The following PLOD2 variants were observed in gnomAD, a reference collection of about 807,000 sequenced individuals.
PLOD2 encodes the protein lysine hydroxylase 2.
A neutral mutation model predicts 101.0 loss-of-function variants in PLOD2; 65 were observed. That is an observed-to-expected ratio of 0.64 (90% CI 0.53 to 0.79). PLOD2 has a LOEUF of 0.79. PLOD2 is among the 30% of genes least tolerant of loss of function. PLOD2 has a pLI of 0.00. For missense variants in PLOD2, 909 were observed against 914.6 expected (o/e 0.99, Z 0.08); for synonymous variants, 314 against 302.9 (o/e 1.04, Z -0.38).
At chr3:146,132,794 A>C (rs907617358) in intron 1 of PLOD2, among the ~76,000 whole-genome samples, 5 of 152,194 alleles carry the variant, frequency 3.3e-5, no homozygotes, top group African/African-American at 9.7e-5. Flanking sequence ...CATTTTTTAA[A>C]ACATACAGAT....
intron 6 of PLOD2, among the ~76,000 whole-genome samples, chr3:146,103,617 TA>T (rs1238831959): frequency 6.6e-6 from 1 of 152,110 alleles, no homozygotes; most frequent in Non-Finnish European, 1.5e-5. Flanking sequence ...CATGCCTGAC[TA>T]GATTTTAAGA....
chr3:146,118,839 C>A (rs1197112930), intron 3 of PLOD2, among the ~76,000 whole-genome samples: 1 of 152,058 alleles, frequency 6.6e-6, no homozygotes, highest in Non-Finnish European at 1.5e-5. Context: ...TTCTGTTTAA[C>A]CAGAATCCAT....
In PLOD2 at chr3:146,141,749, T is replaced by A. The variant is rs1001148983; in HGVS notation, c.110-17520A>T. Among the ~76,000 whole-genome samples the A allele has an allele frequency of 3.9e-5, 6 of 152,094 alleles. No individual in the cohort carries two copies. In the East Asian group the frequency reaches 9.6e-4, roughly 24 times the overall value. On this transcript the variant is annotated intron_variant, in intron 1 of 19. Coordinates refer to ENST00000282903, the MANE Select transcript of PLOD2 (RefSeq NM_182943.3). Reference sequence around the variant, plus strand: ...ACATTTTTGGAAAAATCAATCCCTGTCTTCATGGGTCTTACAATACAGTTG... The same window carrying A: ...ACATTTTTGGAAAAATCAATCCCTGACTTCATGGGTCTTACAATACAGTTG...
chr3:146,130,773 G>A (rs1299052263), intron 1 of PLOD2, among the ~76,000 whole-genome samples: 1 of 152,134 alleles, frequency 6.6e-6, no homozygotes, highest in African/African-American at 2.4e-5. Context: ...GGCCTCCCCT[G>A]GTGACAACAG....
Position 146,081,840 on chromosome 3 carries a change from G to C in PLOD2, c.1256C>G (p.Thr419Ser). The C allele has an allele frequency of 6.2e-7, 1 of 1,612,454 alleles. No individual in the cohort carries two copies. ...ATTGGACCACAGCTTTCCATGACGA[G>C]TTACAAGAGGAGCAATGATCTTTCT... Reference protein sequence around the residue: ...QNRKIIAPLVTRHGKLWSNFW... With the variant: ...QNRKIIAPLVSRHGKLWSNFW... Residue 419 changes from threonine (T) to serine (S), a missense_variant, in exon 12 of 20, where the codon ACT becomes AGT. Coordinates refer to ENST00000282903, the MANE Select transcript of PLOD2 (RefSeq NM_182943.3).
chr3:146,158,389 A>C (rs2032404327), intron 1 of PLOD2, among the ~76,000 whole-genome samples: 1 of 152,218 alleles, frequency 6.6e-6, no homozygotes, highest in African/African-American at 2.4e-5. Context: ...CAGCACACAG[A>C]ACTCTCAAAA....
chr3:146,146,314 C>A, intron 1 of PLOD2, among the ~76,000 whole-genome samples: 1 of 152,100 alleles, frequency 6.6e-6, no homozygotes, highest in Non-Finnish European at 1.5e-5. Flanking sequence ...TCTCCAAGTT[C>A]TTTGGAGCTA....
At chr3:146,152,179 G>C (rs1286189272) in intron 1 of PLOD2, among the ~76,000 whole-genome samples, 1 of 152,174 alleles carries the variant, frequency 6.6e-6, no homozygotes, top group Non-Finnish European at 1.5e-5. Flanking sequence ...AGCACTTTGG[G>C]AGGCTGAGGC....
At chr3:146,107,776 T>C (rs962687316) in intron 4 of PLOD2, among the ~76,000 whole-genome samples, 1 of 151,770 alleles carries the variant, frequency 6.6e-6, no homozygotes, top group African/African-American at 2.4e-5. Flanking sequence ...CTCAAGTAGT[T>C]GGGATTACAG....
At chr3:146,152,766 T>C (rs560491999) in intron 1 of PLOD2, among the ~76,000 whole-genome samples, 1 of 152,304 alleles carries the variant, frequency 6.6e-6, no homozygotes, top group South Asian at 2.1e-4. Context: ...TTATTTTCCC[T>C]GCAAGAATCT....
chr3:146,081,725 C>T lies in PLOD2; in HGVS notation c.1358+13G>A. The T allele has an allele frequency of 1.3e-6, 2 of 1,596,744 alleles. No homozygotes were observed. The highest frequency in any genetic ancestry group is 1.7e-6 in the Non-Finnish European group (2 of 1,165,132). ...TGGTATTTCACATTAAAATATTAAA[C>T]CAAGTAACTTACACTCTATTCCCTT... On this transcript the variant is annotated intron_variant, in intron 12 of 19. Coordinates refer to ENST00000282903, the MANE Select transcript of PLOD2 (RefSeq NM_182943.3).
chr3:146,101,401 T>C (rs1937384795), intron 7 of PLOD2, among the ~76,000 whole-genome samples: 1 of 152,086 alleles, frequency 6.6e-6, no homozygotes, highest in Admixed American at 6.6e-5. Flanking sequence ...CCATAGAGAT[T>C]GAAGAGGAAA....
intron 15 of PLOD2, 186 bp downstream of exon 15, chr3:146,076,596 T>C (rs1342168761): frequency 3.1e-5 from 14 of 448,244 alleles, no homozygotes; most frequent in Admixed American, 4.1e-5. Flanking sequence ...CCCATATCTG[T>C]TGTTTTTGAC....
intron 1 of PLOD2, among the ~76,000 whole-genome samples, chr3:146,144,587 C>A (rs1184233661): frequency 6.6e-6 from 1 of 151,984 alleles, no homozygotes; most frequent in Non-Finnish European, 1.5e-5. Context: ...TTCAATAATA[C>A]CCTTACAATA....
chr3:146,078,074 A>C (rs908171138), intron 13 of PLOD2, 150 bp from the exon 14 acceptor site: 2 of 678,794 alleles, frequency 2.9e-6, no homozygotes, highest in East Asian at 5.1e-5. Context: ...CAAAGCTTAT[A>C]GCACACACAA....
chr3:146,147,219 CACTAGAATATAAG>C, intron 1 of PLOD2, among the ~76,000 whole-genome samples: 1 of 152,054 alleles, frequency 6.6e-6, no homozygotes, highest in Non-Finnish European at 1.5e-5. Flanking sequence ...ACAAAAAAAT[CACTAGAATATAAG>C]ACTTAATATA....
chr3:146,133,643 A>C (rs1225249773), intron 1 of PLOD2, among the ~76,000 whole-genome samples: 1 of 152,220 alleles, frequency 6.6e-6, no homozygotes, highest in Non-Finnish European at 1.5e-5. Context: ...AAAGGGCTGG[A>C]TTGCAGCCAA....
intron 1 of PLOD2, among the ~76,000 whole-genome samples, chr3:146,132,293 A>G (rs1416573888): frequency 6.6e-6 from 1 of 152,186 alleles, no homozygotes; most frequent in Non-Finnish European, 1.5e-5. Context: ...CCATAGCAGT[A>G]TGTGCAGTGG....
At chr3:146,076,441 T>G (rs1000041708) in intron 15 of PLOD2, 24 of 184,160 alleles carry the variant, frequency 1.3e-4, no homozygotes, top group Admixed American at 1.1e-3. Flanking sequence ...TCAAATGACT[T>G]ACTTTCTTTT....
Sources: allele counts gnomAD v4.1 joint callset (sites outside exome capture counted in the v4.1 genomes callset), GRCh38; gene constraint gnomAD v4.1.1; transcripts MANE v1.5; gene names NCBI Gene and HGNC (gene_info 2026-07-23, HGNC 2026-07-21).